Variants in CEP76 observed in about 807,000 individuals in gnomAD.
CEP76 encodes the protein centrosomal protein 76, also known as centrosomal protein of 76 kDa.
In CEP76, 55 loss-of-function variants were observed where a neutral mutation model predicts 83.3. The observed-to-expected ratio is 0.66, with a 90% CI of 0.53 to 0.83. The LOEUF (loss-of-function observed/expected upper bound fraction) is 0.83. Among genes scored for constraint, CEP76 ranks in the 40% least tolerant of loss-of-function variants. CEP76 has a pLI of 0.00. For synonymous variants in CEP76, 270 were observed against 274.5 expected (o/e 0.98, Z 0.16); for missense variants, 694 against 799.5 (o/e 0.87, Z 1.59).
At chr18:12,664,763 AT>A (rs1329127997) in intron 12 of CEP76, among the ~76,000 whole-genome samples, 1 of 150,152 alleles carries the variant, frequency 6.7e-6, no homozygotes, top group African/African-American at 2.5e-5. Flanking sequence ...CAGTGGTACA[AT>A]CTCAGCTCAG....
chr18:12,664,360 G>A (rs972154832), intron 12 of CEP76, among the ~76,000 whole-genome samples: 8 of 151,898 alleles, frequency 5.3e-5, no homozygotes, highest in Non-Finnish European at 8.8e-5. Context: ...TGGCTAACAC[G>A]GTGAAACCTC....
intron 5 of CEP76, among the ~76,000 whole-genome samples, chr18:12,696,487 G>A (rs1412029928): frequency 6.6e-6 from 1 of 151,014 alleles, no homozygotes; most frequent in Non-Finnish European, 1.5e-5. Flanking sequence ...TGGTGACAGA[G>A]CGAGACTCCA....
chr18:12,686,787 T>C (rs772406575), intron 7 of CEP76: 12 of 173,654 alleles, frequency 6.9e-5, no homozygotes, highest in Non-Finnish European at 1.4e-4. Context: ...TGCTCTAAGC[T>C]GAAGTATTTT....
In CEP76 at chr18:12,673,456, C is replaced by T. The variant is rs374138097; in HGVS notation, c.1889G>A (p.Arg630Gln). The T allele has an allele frequency of 6.9e-6, 11 of 1,589,198 alleles. No individual in the cohort carries two copies. Among genetic ancestry groups the T allele is most frequent in the Middle Eastern group, 3.3e-4 (2 of 6,000 alleles). ...EIICCRGDQV[R>Q]LAVRVRVFTY... ...AAATACTCGGACACGAACTGCCAGT[C>T]GCACTTGGTCTCCACGGCAACAGAT... is the stretch of plus-strand genomic sequence containing the variant. The change falls in exon 12 of 12, where the codon CGA (arginine) becomes CAA (glutamine). Residue 630 changes from arginine (R) to glutamine (Q), a missense_variant. Physicochemically the swap from Arg to Gln is conservative, Grantham distance 43 (BLOSUM62 1). Coordinates refer to ENST00000262127, the MANE Select transcript of CEP76 (RefSeq NM_024899.4).
At chr18:12,669,032 C>CT (rs71174122), downstream of CEP76, among the ~76,000 whole-genome samples, 3,448 of 41,830 alleles carry the variant, frequency 0.082, 1,170 homozygotes, top group East Asian at 0.11. Context: ...ACCCCCCGCA[C>CT]TTTTTTTTTT....
chr18:12,672,626 C>G lies in CEP76; in HGVS notation c.*739G>C, dbSNP rs2038977192. 1 of 980,178 alleles carries G rather than the reference C, an allele frequency of 1.0e-6. No homozygotes were observed. The highest frequency in any genetic ancestry group is 1.2e-6 in the Non-Finnish European group (1 of 825,170). The allele number at this position is 980,178 out of a possible 1,614,324, so 60.7% of individuals were successfully genotyped here. On this transcript the variant is annotated 3_prime_UTR_variant, in exon 12 of 12. Coordinates refer to ENST00000262127, the MANE Select transcript of CEP76 (RefSeq NM_024899.4). Reference sequence around the variant, plus strand: ...AATGAATCCTCTGACCACAGAAAATCAGTGATCGACTGCAAGATCACAATT... The same window carrying G: ...AATGAATCCTCTGACCACAGAAAATGAGTGATCGACTGCAAGATCACAATT...
exon 13 of CEP76, chr18:12,662,043 T>C: frequency 3.2e-6 from 1 of 315,172 alleles, no homozygotes; most frequent in Non-Finnish European, 6.5e-6. Flanking sequence ...AGAATAAGTG[T>C]ACTTCATGCT....
At chr18:12,682,252 CGTCCTCAGCTCACTGCAGCCTTGAT>C (rs1283496036) in intron 8 of CEP76, among the ~76,000 whole-genome samples, 1 of 151,838 alleles carries the variant, frequency 6.6e-6, no homozygotes, top group Admixed American at 6.6e-5. Context: ...GCTGCCTTGA[CGTCCTCAGCTCACTGCAGCCTTGAT>C]GTCCCCAGCT....
intron 7 of CEP76, among the ~76,000 whole-genome samples, chr18:12,687,421 C>T (rs2145050409): frequency 6.6e-6 from 1 of 151,346 alleles, no homozygotes; most frequent in South Asian, 2.1e-4. Flanking sequence ...AGATTCCACT[C>T]ATACCTATAG....
intron 6 of CEP76, chr18:12,692,137 G>A (rs1158770272): frequency 6.6e-6 from 1 of 152,136 alleles, no homozygotes; most frequent in African/African-American, 2.4e-5. Flanking sequence ...CCAACATGGT[G>A]AAACCCCATC....
intron 2 of CEP76, 157 bp from the exon 3 acceptor site, chr18:12,700,062 T>TA (rs2040100081): frequency 2.3e-6 from 1 of 440,806 alleles, no homozygotes; most frequent in Admixed American, 4.3e-5. Flanking sequence ...ATAATGAAAA[T>TA]AAAAGCCTGC....
downstream of CEP76, among the ~76,000 whole-genome samples, chr18:12,667,715 C>T (rs1283680429): frequency 1.4e-5 from 2 of 146,422 alleles, no homozygotes; most frequent in Non-Finnish European, 3.0e-5. Context: ...GAACCAAGAT[C>T]GTGCCACTGC....
chr18:12,697,333 G>A lies in CEP76; in HGVS notation c.596C>T (p.Thr199Ile), dbSNP rs778822765. ...SDPIHMVLIK[T>I]DIFGETTLVA... The stretch of plus-strand genomic sequence containing the variant: ...TAAAGTCGTCTCACCAAATATGTCT[G>A]TTTTGATTAGCACCATATGAATTGG... The change falls in exon 5 of 12, where the codon ACA (threonine) becomes ATA (isoleucine). Residue 199 changes from threonine (T) to isoleucine (I), a missense_variant. Physicochemically the swap from Thr to Ile is moderately conservative, Grantham distance 89. Transcript: ENST00000262127. The A allele has an allele frequency of 8.7e-6, 14 of 1,613,576 alleles. No homozygotes were observed. Among genetic ancestry groups the A allele is most frequent in the Non-Finnish European group, 1.2e-5 (14 of 1,179,730 alleles).
intron 8 of CEP76, chr18:12,684,477 AGTTTTTT>A (rs1337507619): frequency 2.3e-5 from 3 of 131,408 alleles, no homozygotes; most frequent in Admixed American, 7.4e-5. Flanking sequence ...GGCTAAAGAT[AGTTTTTT>A]GTTTTTTTTT....
At chr18:12,697,100 C>T in intron 5 of CEP76, 123 bp downstream of exon 5, 1 of 684,400 alleles carries the variant, frequency 1.5e-6, no homozygotes, top group South Asian at 2.5e-5. Flanking sequence ...AATTGTAACT[C>T]TAACGAAATT....
chr18:12,666,436 G>GTATTTTTT (rs1555640544), intron 12 of CEP76, among the ~76,000 whole-genome samples: 1 of 126,624 alleles, frequency 7.9e-6, no homozygotes, highest in African/African-American at 2.9e-5. Flanking sequence ...AAATTTTATG[G>GTATTTTTT]TTTTTTTTTT....
At chr18:12,678,063 T>C (rs369987338) in intron 10 of CEP76, 46 bp downstream of exon 10, 46 of 1,486,394 alleles carry the variant, frequency 3.1e-5, no homozygotes, top group Non-Finnish European at 3.6e-5. Context: ...GTTAAATACA[T>C]AAATGAAAAG....
At chr18:12,669,933 G>GTTGTGGTGAGCCGAGA (rs1555641007), downstream of CEP76, among the ~76,000 whole-genome samples, 4 of 149,568 alleles carry the variant, frequency 2.7e-5, no homozygotes, top group East Asian at 2.0e-4. Context: ...GGAGGCGGAG[G>GTTGTGGTGAGCCGAGA]TTGCGGTGAG....
chr18:12,675,349 T>A (rs921129204), intron 10 of CEP76, among the ~76,000 whole-genome samples: 1 of 151,962 alleles, frequency 6.6e-6, no homozygotes, highest in African/African-American at 2.4e-5. Flanking sequence ...TGAGCCGAGA[T>A]CGTGCCACTG....
Sources: gnomAD v4.1 joint callset for allele counts (sites outside exome capture counted in the v4.1 genomes callset) on GRCh38, gnomAD v4.1.1 for gene constraint, MANE v1.5 for transcripts, NCBI Gene and HGNC (gene_info 2026-07-23, HGNC 2026-07-21) for gene names.